HELT: variants seen among roughly 807,000 people sequenced by gnomAD.
HELT encodes the protein helt bHLH transcription factor, also known as hairy and enhancer of split-related protein HELT.
HELT carries 9 observed loss-of-function variants against 19.5 expected under a neutral mutation model. That is an observed-to-expected ratio of 0.46 (90% CI 0.28 to 0.80). HELT has a LOEUF of 0.80. Ranked by LOEUF, HELT falls within the 30% of genes least tolerant of loss-of-function variation. HELT has a pLI of 0.12. For synonymous variants in HELT, 162 were observed against 148.3 expected (o/e 1.09, Z -0.67); for missense variants, 366 against 326.3 (o/e 1.12, Z -0.94).
Position 185,018,883 on chromosome 4 carries a change from G to T in HELT, c.-46G>T. On this transcript the variant is annotated 5_prime_UTR_variant, in exon 1 of 4. Coordinates refer to ENST00000515777, the MANE Select transcript of HELT (RefSeq NM_001300781.2). ...AGGCACACGAGGCGGAAAAGTGGAC[G>T]GGTGCCCCGCGCCACCGCCTCTCCC... The T allele has an allele frequency of 6.5e-7, 1 of 1,543,526 alleles. No homozygotes were observed. The highest frequency in any genetic ancestry group is 8.8e-7 in the Non-Finnish European group (1 of 1,139,176).
At chr4:185,019,590 G>A in intron 2 of HELT, 99 bp downstream of exon 2, 1 of 1,560,316 alleles carries the variant, frequency 6.4e-7, no homozygotes, top group Non-Finnish European at 8.7e-7. Flanking sequence ...GACCTCACTT[G>A]CGGGCCCCTC....
chr4:185,019,611 G>T (rs1366180437), intron 2 of HELT, 120 bp downstream of exon 2: 10 of 1,584,746 alleles, frequency 6.3e-6, no homozygotes, highest in Non-Finnish European at 8.6e-6. Context: ...CCAGGCGGGG[G>T]GCCTGAGCGC....
chr4:185,020,165 A>T, intron 3 of HELT, 108 bp from the exon 4 acceptor site: 2 of 1,489,860 alleles, frequency 1.3e-6, no homozygotes, highest in Non-Finnish European at 1.8e-6. Flanking sequence ...CTCAAATGGG[A>T]ACTTTGGCCA....
chr4:185,020,713 G>C lies in HELT; in HGVS notation c.670G>C (p.Gly224Arg). ...GLDRHYLNLI[G>R]HAHPNALNLH... ...GGACCGGCATTACCTCAACCTGATC[G>C]GCCACGCGCACCCCAACGCCCTTAA... The change falls in exon 4 of 4, where the codon GGC becomes CGC. Residue 224 changes from glycine (G) to arginine (R), a missense_variant. Coordinates refer to ENST00000515777, the MANE Select transcript of HELT (RefSeq NM_001300781.2). 1 of 1,595,446 alleles carries C rather than the reference G, an allele frequency of 6.3e-7. No homozygotes were observed. Among genetic ancestry groups the C allele is most frequent in the Admixed American group, 1.7e-5 (1 of 58,212 alleles).
In HELT at chr4:185,020,817, G is replaced by A. The variant is rs765593457; in HGVS notation, c.*45G>A. On this transcript the variant is annotated 3_prime_UTR_variant, in exon 4 of 4. Coordinates refer to ENST00000515777, the MANE Select transcript of HELT (RefSeq NM_001300781.2). ...TTTCTCCTCGCTTTGGGCGCTTTTA[G>A]GAGAAATGCTGTATATATTGTACAC... The A allele has an allele frequency of 1.3e-6, 2 of 1,493,362 alleles. No individual in the cohort carries two copies. The highest frequency in any genetic ancestry group is 1.8e-6 in the Non-Finnish European group (2 of 1,130,336). 92.5% of individuals were successfully genotyped at this position (1,493,362 alleles called of 1,614,324 possible). A position where few individuals can be genotyped will look rare whatever the true frequency, so the allele number is the denominator to read the frequency against.
rs765563293 is a variant in HELT, at chr4:185,018,884, G to A, written c.-45G>A. On this transcript the variant is annotated 5_prime_UTR_variant, in exon 1 of 4. Transcript: ENST00000515777. The stretch of plus-strand genomic sequence containing the variant: ...GGCACACGAGGCGGAAAAGTGGACG[G>A]GTGCCCCGCGCCACCGCCTCTCCCG... The A allele has an allele frequency of 6.5e-7, 1 of 1,545,180 alleles. No homozygotes were observed. The highest frequency in any genetic ancestry group is 8.8e-7 in the Non-Finnish European group (1 of 1,140,108).
chr4:185,019,194 G>A (rs1052625754), intron 1 of HELT, 193 bp from the exon 2 acceptor site: 2 of 1,403,290 alleles, frequency 1.4e-6, no homozygotes, highest in African/African-American at 1.4e-5. Flanking sequence ...GTGGCTGGAA[G>A]GGGAGCGCGC....
Position 185,020,281 on chromosome 4 carries a change from C to G in HELT, c.238C>G (p.Leu80Val), listed in dbSNP as rs1397724693. Reference sequence around the variant, plus strand: ...CTTTCTCGTTCCTCCAGCAGAACTTCTAGCGGAGTTTGCCAACTACTTCCA... The same window carrying G: ...CTTTCTCGTTCCTCCAGCAGAACTTGTAGCGGAGTTTGCCAACTACTTCCA... ...FPRGREKAEL[L>V]AEFANYFHYG... The change falls in exon 4 of 4, where the codon CTA becomes GTA. Residue 80 changes from leucine to valine, a missense_variant. Transcript: ENST00000515777. 2 of 1,613,336 alleles carry G rather than the reference C, an allele frequency of 1.2e-6. No homozygotes were observed. The highest frequency in any genetic ancestry group is 2.2e-5 in the East Asian group (1 of 44,856).
chr4:185,020,515 G>A lies in HELT; in HGVS notation c.472G>A (p.Gly158Ser). ...GCACCCTGCGGGGCCCGAATTCGCT[G>A]GTCACAGCCCGGGCGAGGCCGCTGT... The part of the protein sequence containing the change: ...QLHPAGPEFA[G>S]HSPGEAAVFP... Residue 158 changes from glycine (G) to serine (S), a missense_variant, in exon 4 of 4, where the codon GGT becomes AGT. Coordinates refer to ENST00000515777, the MANE Select transcript of HELT (RefSeq NM_001300781.2). The A allele has an allele frequency of 1.2e-6, 2 of 1,611,408 alleles. No homozygotes were observed. The highest frequency in any genetic ancestry group is 1.7e-6 in the Non-Finnish European group (2 of 1,179,846).
At chr4:185,019,082 C>T (rs1733980223) in intron 1 of HELT, 127 bp downstream of exon 1, 1 of 1,610,166 alleles carries the variant, frequency 6.2e-7, no homozygotes, top group African/African-American at 1.3e-5. Context: ...GGAGGAATCT[C>T]GAGTGGTTTG....
chr4:185,019,157 G>T, intron 1 of HELT: 2 of 1,516,120 alleles, frequency 1.3e-6, no homozygotes, highest in South Asian at 1.3e-5. Flanking sequence ...GGAGGCTGGC[G>T]GCCACCTCCC....
chr4:185,020,822 A>G lies in HELT; in HGVS notation c.*50A>G. The G allele has an allele frequency of 6.7e-7, 1 of 1,491,900 alleles. No individual in the cohort carries two copies. Among genetic ancestry groups the G allele is most frequent in the Non-Finnish European group, 8.9e-7 (1 of 1,129,410 alleles). The allele number at this position is 1,491,900 out of a possible 1,614,324, so 92.4% of individuals were successfully genotyped here. ...CCTCGCTTTGGGCGCTTTTAGGAGA[A>G]ATGCTGTATATATTGTACACATAAT... On this transcript the variant is annotated 3_prime_UTR_variant, in exon 4 of 4. Transcript: ENST00000515777.
In HELT at chr4:185,020,562, C is replaced by G. The variant is rs1029480733; in HGVS notation, c.519C>G (p.Ala173=). 4 of 1,600,744 alleles carry G rather than the reference C, an allele frequency of 2.5e-6. No individual in the cohort carries two copies. The highest frequency in any genetic ancestry group is 1.3e-5 in the African/African-American group (1 of 74,730). The change falls in exon 4 of 4, where the codon GCC becomes GCG. Residue 173 remains alanine, a synonymous_variant. Transcript: ENST00000515777. ...EAAVFPQGSG[A]GPFPWPPGAA... ...CTGTGTTCCCGCAGGGCTCTGGTGC[C>G]GGGCCTTTCCCCTGGCCGCCTGGCG... is the stretch of plus-strand genomic sequence containing the variant.
At position 185,019,447 on chromosome 4, in the gene HELT, T is replaced by C. The variant is rs1284283252; in HGVS notation, c.88T>C (p.Leu30=). 3 of 1,613,034 alleles carry C rather than the reference T, an allele frequency of 1.9e-6. No individual in the cohort carries two copies. Among genetic ancestry groups the C allele is most frequent in the Admixed American group, 3.3e-5 (2 of 59,932 alleles). The change falls in exon 2 of 4, where the codon TTG becomes CTG. Residue 30 remains leucine, a synonymous_variant. Transcript: ENST00000515777. ...GAGGAGGGACAGGATCAACCGCTGC[T>C]TGAACGAGCTGGGCAAGACAGTGCC... ...KRRRDRINRC[L]NELGKTVPMA...
intron 1 of HELT, 94 bp downstream of exon 1, chr4:185,019,049 T>C: frequency 6.2e-7 from 1 of 1,613,774 alleles, no homozygotes; most frequent in African/African-American, 1.3e-5. Flanking sequence ...GGCAGGGAAG[T>C]GCCCGCACGG....
rs368062753 is a variant in HELT at position 185,019,024 on chromosome 4, C to T, written c.27+69C>T. On this transcript the variant is annotated intron_variant, in intron 1 of 3. Transcript: ENST00000515777. ...AGGCATCTGACTCACCGACCCGCCA[C>T]TTGGGTGGACCGATGGCAGGGAAGT... 1.7e-5 allele frequency: 28 copies of T among 1,614,070 alleles called. No homozygotes were observed. The East Asian group carries it at 2.0e-4, about 12-fold the overall frequency.
rs1469954395 is a variant in HELT, at chr4:185,020,767, C to T, written c.724C>T (p.Leu242Phe). ...GCACACGCCCCAGCACCCCCCGGTGCTCTGACGCCCACTCGCCCGCCAGAT... is the reference window on the plus strand; with the variant it reads ...GCACACGCCCCAGCACCCCCCGGTGTTCTGACGCCCACTCGCCCGCCAGAT... ...NLHTPQHPPV[L>F] Residue 242 changes from leucine to phenylalanine, a missense_variant, in exon 4 of 4, where the codon CTC becomes TTC. Leu to Phe is a conservative substitution (Grantham distance 22). Coordinates refer to ENST00000515777, the MANE Select transcript of HELT (RefSeq NM_001300781.2). 2.0e-6 allele frequency: 3 copies of T among 1,520,452 alleles called. No homozygotes were observed. The highest frequency in any genetic ancestry group is 2.6e-6 in the Non-Finnish European group (3 of 1,142,150). 94.2% of individuals were successfully genotyped at this position (1,520,452 alleles called of 1,614,324 possible).
intron 1 of HELT, 114 bp from the exon 2 acceptor site, chr4:185,019,273 C>G (rs1159802198): frequency 8.9e-7 from 1 of 1,118,052 alleles, no homozygotes; most frequent in Admixed American, 2.4e-5. Context: ...CTTCCTAGAG[C>G]GAATCTGAGC....
rs1348705841 is a variant in HELT at position 185,018,674 on chromosome 4, G to A, written c.-255G>A. Among the ~76,000 whole-genome samples, 1 of 152,142 alleles carries A rather than the reference G, an allele frequency of 6.6e-6. No individual in the cohort carries two copies. Among genetic ancestry groups the A allele is most frequent in the Non-Finnish European group, 1.5e-5 (1 of 68,014 alleles). The stretch of plus-strand genomic sequence containing the variant: ...ATCTGCCCCCAGCTCGCCCCCCTCG[G>A]CTGCTAATTTTTTTTTTTTCTTAAC... On this transcript the variant is annotated 5_prime_UTR_variant, in exon 1 of 4. Coordinates refer to ENST00000515777, the MANE Select transcript of HELT (RefSeq NM_001300781.2).
Sources: allele counts gnomAD v4.1 joint callset (sites outside exome capture counted in the v4.1 genomes callset), GRCh38; gene constraint gnomAD v4.1.1; transcripts MANE v1.5; gene names NCBI Gene and HGNC (gene_info 2026-07-23, HGNC 2026-07-21).